Variants in PCDHGA8 observed in about 807,000 individuals in gnomAD.
The protein encoded by PCDHGA8 is protocadherin gamma-A8.
In PCDHGA8, 45 loss-of-function variants were observed where a neutral mutation model predicts 59.2. The observed-to-expected ratio is 0.76, with a 90% CI of 0.60 to 0.98. The LOEUF is 0.98. PCDHGA8 is among the 50% of genes least tolerant of loss of function. PCDHGA8 has a pLI of 0.00. For missense variants in PCDHGA8, 1,257 were observed against 1,196.2 expected (o/e 1.05, Z -0.75); for synonymous variants, 531 against 519.0 (o/e 1.02, Z -0.32).
At position 141,489,078 on chromosome 5, in the gene PCDHGA8, G is replaced by A. The variant is rs990356560; in HGVS notation, c.2425-5729G>A. ...GCTCCCCTCCCCCCTGCCCACCCCC[G>A]CCACTCGGTGACTAAGAACTGCTGC... On this transcript the variant is annotated intron_variant, in intron 1 of 3. Transcript: ENST00000398604. The surrounding 1 kb of genome is among the most constrained non-coding windows in gnomAD (Gnocchi z 4.5). 6.9e-5 allele frequency: 11 copies of A among 160,224 alleles called. 1 individual carries two copies. Among genetic ancestry groups the A allele is most frequent in the Admixed American group, 3.7e-4 (4 of 10,708 alleles). The allele number at this position is 160,224 out of a possible 1,614,324, so 9.9% of individuals were successfully genotyped here.
chr5:141,414,463 G>T, intron 1 of PCDHGA8: 1 of 1,613,932 alleles, frequency 6.2e-7, no homozygotes. Flanking sequence ...GACAGCCACA[G>T]ATGGGGGAAG....
chr5:141,407,027 CT>C (rs1297630291), intron 1 of PCDHGA8, among the ~76,000 whole-genome samples: 1 of 152,128 alleles, frequency 6.6e-6, no homozygotes, highest in Non-Finnish European at 1.5e-5. Context: ...AAATTCTATG[CT>C]AAACATGTGA....
rs1283050252 is a variant in PCDHGA8, at chr5:141,512,909, T to G, written c.*1736T>G. ...CCTCTTCCTGTGTCTCACGCAAGTT[T>G]TATACTCTAATATTTATATGGCTTT... On this transcript the variant is annotated 3_prime_UTR_variant, in exon 4 of 4. Coordinates refer to ENST00000398604, the MANE Select transcript of PCDHGA8 (RefSeq NM_032088.2). 6.6e-6 allele frequency: 1 copy of G among 152,268 alleles called. No homozygotes were observed. The highest frequency in any genetic ancestry group is 1.5e-5 in the Non-Finnish European group (1 of 68,056). 9.4% of individuals were successfully genotyped at this position (152,268 alleles called of 1,614,324 possible).
chr5:141,399,495 T>C, intron 1 of PCDHGA8: 1 of 1,614,034 alleles, frequency 6.2e-7, no homozygotes, highest in Non-Finnish European at 8.5e-7. Context: ...ACTTAGTCAG[T>C]GTACCCGAAA....
In PCDHGA8 at chr5:141,409,582, C is replaced by A. The variant is rs2095287974; in HGVS notation, c.2424+14345C>A. On this transcript the variant is annotated intron_variant, in intron 1 of 3. Coordinates refer to ENST00000398604, the MANE Select transcript of PCDHGA8 (RefSeq NM_032088.2). ...TCGACCAGACGTCCTACGTGGTCCA[C>A]GTGGCCGAGAACAACCCGCCAGGAG... 2.5e-6 allele frequency: 4 copies of A among 1,613,914 alleles called. No homozygotes were observed. The Middle Eastern group carries it at 4.9e-4, about 200-fold the overall frequency.
chr5:141,453,888 C>T (rs1273180395), intron 1 of PCDHGA8, among the ~76,000 whole-genome samples: 2 of 152,198 alleles, frequency 1.3e-5, no homozygotes, highest in East Asian at 1.9e-4. Flanking sequence ...TGTGGCCAAT[C>T]ACATGACTTC....
rs1200049263 is a variant in PCDHGA8, at chr5:141,395,067, A to G, written c.2254A>G (p.Thr752Ala). Reference protein sequence around the residue: ...GVEEVQAFLQTYSQEVSLTAD... With the variant: ...GVEEVQAFLQAYSQEVSLTAD... Reference sequence around the variant, plus strand: ...TGAGGAGGTACAGGCTTTCCTGCAGACCTATTCCCAGGAAGTCTCCCTCAC... The same window carrying G: ...TGAGGAGGTACAGGCTTTCCTGCAGGCCTATTCCCAGGAAGTCTCCCTCAC... Residue 752 changes from threonine to alanine, a missense_variant, in exon 1 of 4, where the codon ACC (threonine) becomes GCC (alanine). By Grantham distance (58) the Thr-to-Ala change is moderately conservative (BLOSUM62 0). Transcript: ENST00000398604. 4 of 1,613,888 alleles carry G rather than the reference A, an allele frequency of 2.5e-6. No individual in the cohort carries two copies. The highest frequency in any genetic ancestry group is 1.1e-5 in the South Asian group (1 of 91,078).
Position 141,432,492 on chromosome 5 carries a change from C to G in PCDHGA8, c.2424+37255C>G. The G allele has an allele frequency of 6.2e-7, 1 of 1,614,168 alleles. No individual in the cohort carries two copies. The highest frequency in any genetic ancestry group is 8.5e-7 in the Non-Finnish European group (1 of 1,180,040). On this transcript the variant is annotated intron_variant, in intron 1 of 3. Transcript: ENST00000398604. This position sits in a 1 kb window ranked among gnomAD's most constrained non-coding sequence, Gnocchi z 6.0. Reference sequence around the variant, plus strand: ...GACGGTTCCACTGGCGTGGAGCTGGCTCCCCGCTCCGCAGAGCCCGGCTAC... The same window carrying G: ...GACGGTTCCACTGGCGTGGAGCTGGGTCCCCGCTCCGCAGAGCCCGGCTAC...
Position 141,476,165 on chromosome 5 carries a change from G to A in PCDHGA8, c.2425-18642G>A. ...CGGACTGGTAAGCACCGGGAGGGTA[G>A]TGGGAGTTTTGCTTCTGCTTGGTGC... On this transcript the variant is annotated intron_variant, in intron 1 of 3. Coordinates refer to ENST00000398604, the MANE Select transcript of PCDHGA8 (RefSeq NM_032088.2). This position sits in a 1 kb window ranked among gnomAD's most constrained non-coding sequence, Gnocchi z 7.6. 1 of 1,613,228 alleles carries A rather than the reference G, an allele frequency of 6.2e-7. No homozygotes were observed.
intron 3 of PCDHGA8, 48 bp downstream of exon 3, chr5:141,505,529 T>C (rs1479433990): frequency 1.9e-6 from 3 of 1,612,066 alleles, no homozygotes; most frequent in Non-Finnish European, 2.5e-6. Context: ...CCTGGGGTTC[T>C]GGGGTGCATC....
chr5:141,432,803 G>T lies in PCDHGA8; in HGVS notation c.2424+37566G>T, dbSNP rs751950423. 3 of 1,614,160 alleles carry T rather than the reference G, an allele frequency of 1.9e-6. No homozygotes were observed. The highest frequency in any genetic ancestry group is 2.2e-5 in the East Asian group (1 of 44,874). ...GGACCTCGGCAGCCTCGAGTCTCCA[G>T]CTAACTCTGAAACCTCAGACCTCAC... On this transcript the variant is annotated intron_variant, in intron 1 of 3. Coordinates refer to ENST00000398604, the MANE Select transcript of PCDHGA8 (RefSeq NM_032088.2). This position sits in a 1 kb window ranked among gnomAD's most constrained non-coding sequence, Gnocchi z 6.0.
At chr5:141,439,473 G>T (rs1414737627) in intron 1 of PCDHGA8, among the ~76,000 whole-genome samples, 2 of 152,202 alleles carry the variant, frequency 1.3e-5, no homozygotes, top group South Asian at 2.1e-4. Context: ...CTGCCTTTCA[G>T]CTTGCAAATT....
intron 1 of PCDHGA8, among the ~76,000 whole-genome samples, chr5:141,449,929 T>C (rs2098659723): frequency 6.6e-6 from 1 of 151,912 alleles, no homozygotes; most frequent in Non-Finnish European, 1.5e-5. Context: ...TACCATACCT[T>C]ATAGTATATT....
rs536970079 is a variant in PCDHGA8 at position 141,405,367 on chromosome 5, T to C, written c.2424+10130T>C. The C allele has an allele frequency of 1.9e-5, 30 of 1,613,694 alleles. No homozygotes were observed. In the African/African-American group the frequency reaches 3.2e-4, roughly 17 times the overall value. The stretch of plus-strand genomic sequence containing the variant: ...CCAAGTTTCCTATAGAAGACACCCC[T>C]TTGGTTCCGGTGAGTTCATTTTTTT... On this transcript the variant is annotated intron_variant, in intron 1 of 3. Transcript: ENST00000398604.
rs1456451105 is a variant in PCDHGA8 at position 141,477,377 on chromosome 5, C to T, written c.2425-17430C>T. Reference sequence around the variant, plus strand: ...TGCAGACCTGGATCGGGAGACTGTGCCAGAATACAACCTCAGCATCACCGC... The same window carrying T: ...TGCAGACCTGGATCGGGAGACTGTGTCAGAATACAACCTCAGCATCACCGC... On this transcript the variant is annotated intron_variant, in intron 1 of 3. Coordinates refer to ENST00000398604, the MANE Select transcript of PCDHGA8 (RefSeq NM_032088.2). This position sits in a 1 kb window ranked among gnomAD's most constrained non-coding sequence, Gnocchi z 4.9. 1 of 1,614,144 alleles carries T rather than the reference C, an allele frequency of 6.2e-7. No homozygotes were observed. Among genetic ancestry groups the T allele is most frequent in the South Asian group, 1.1e-5 (1 of 91,080 alleles).
chr5:141,398,528 C>T (rs1355149152), intron 1 of PCDHGA8: 2 of 1,613,386 alleles, frequency 1.2e-6, no homozygotes, highest in Non-Finnish European at 1.7e-6. Flanking sequence ...CCAAAATTCA[C>T]GCAAAATTCC....
At chr5:141,403,891 A>T (rs779525294) in intron 1 of PCDHGA8, 17 of 1,613,752 alleles carry the variant, frequency 1.1e-5, no homozygotes, top group Admixed American at 1.0e-4. Flanking sequence ...AAGAATGTTC[A>T]TTTTATGAAA....
chr5:141,400,147 C>T lies in PCDHGA8; in HGVS notation c.2424+4910C>T, dbSNP rs751998425. ...GGAGGTGCTGCCGGATATCACTGAC[C>T]GCCCTGTACCCTCTGACCCCCAGGC... On this transcript the variant is annotated intron_variant, in intron 1 of 3. Coordinates refer to ENST00000398604, the MANE Select transcript of PCDHGA8 (RefSeq NM_032088.2). 3.7e-6 allele frequency: 6 copies of T among 1,614,074 alleles called. No homozygotes were observed. In the East Asian group the frequency reaches 1.1e-4, roughly 30 times the overall value.
At chr5:141,400,467 ATCTGGGGCCTTATT>A in intron 1 of PCDHGA8, 1 of 1,614,042 alleles carries the variant, frequency 6.2e-7, no homozygotes, top group Non-Finnish European at 8.5e-7. Flanking sequence ...GTGGTGATTC[ATCTGGGGCCTTATT>A]TCCACTTTGT....
Sources: allele counts gnomAD v4.1 joint callset (sites outside exome capture counted in the v4.1 genomes callset), GRCh38; gene constraint gnomAD v4.1.1; non-coding constraint Gnocchi (gnomAD v3.1); transcripts MANE v1.5; gene names NCBI Gene and HGNC (gene_info 2026-07-23, HGNC 2026-07-21).